The following TSNAX variants were observed in gnomAD, a reference collection of about 807,000 sequenced individuals.
The protein encoded by TSNAX is translin-associated protein X.
A neutral mutation model predicts 33.0 loss-of-function variants in TSNAX; 12 were observed. The observed-to-expected ratio is 0.36, with a 90% CI of 0.23 to 0.59. TSNAX has a LOEUF of 0.59. Ranked by LOEUF, TSNAX falls within the 20% of genes least tolerant of loss-of-function variation. The probability of loss-of-function intolerance (pLI) is 0.74; values close to 1 mark genes in which losing one functional copy is unlikely to be tolerated. For missense variants in TSNAX, 267 were observed against 341.3 expected (o/e 0.78, Z 1.72); for synonymous variants, 110 against 117.2 (o/e 0.94, Z 0.40).
In TSNAX at chr1:231,549,421, G is replaced by A. The variant is rs559468452; in HGVS notation, c.367+6810G>A. The stretch of plus-strand genomic sequence containing the variant: ...GGAGACAGAGTGAGACTCCGTCCCC[G>A]CCCCCAGCCCAAAAATAAAAATAAA... On this transcript the variant is annotated intron_variant, in intron 4 of 5. Coordinates refer to ENST00000366639, the MANE Select transcript of TSNAX (RefSeq NM_005999.3). 9.1e-4 allele frequency among the ~76,000 whole-genome samples: 139 copies of A among 152,142 alleles called. No individual in the cohort carries two copies. In the Middle Eastern group the frequency reaches 0.01, roughly 11 times the overall value.
chr1:231,534,750 G>T (rs1217945342), intron 2 of TSNAX: 1 of 152,156 alleles, frequency 6.6e-6, no homozygotes, highest in Admixed American at 6.5e-5. Context: ...CTCTTATCCA[G>T]TATGTTATAC....
At chr1:231,529,737 A>G (rs901962119) in intron 2 of TSNAX, among the ~76,000 whole-genome samples, 2 of 152,190 alleles carry the variant, frequency 1.3e-5, no homozygotes, top group African/African-American at 4.8e-5. Context: ...TCTTTGTTTT[A>G]ACTGTAACAC....
chr1:231,538,900 C>G (rs1273856678), intron 3 of TSNAX, among the ~76,000 whole-genome samples: 1 of 150,612 alleles, frequency 6.6e-6, no homozygotes, highest in African/African-American at 2.5e-5. Flanking sequence ...CCACTGTACC[C>G]CAGCCTGGGC....
intron 2 of TSNAX, chr1:231,536,429 GATACA>G (rs1352947283): frequency 2.0e-5 from 3 of 152,086 alleles, no homozygotes; most frequent in Non-Finnish European, 4.4e-5. Flanking sequence ...AAAAAATTAA[GATACA>G]ATACACATAC....
chr1:231,547,387 T>C (rs1015606850), intron 4 of TSNAX, among the ~76,000 whole-genome samples: 46 of 143,368 alleles, frequency 3.2e-4, no homozygotes, highest in Non-Finnish European at 6.4e-4. Flanking sequence ...TCTTTTTTTT[T>C]TCTTTTTTTT....
intron 1 of TSNAX, 64 bp downstream of exon 1, chr1:231,528,890 G>A: frequency 1.2e-6 from 2 of 1,606,304 alleles, no homozygotes; most frequent in Non-Finnish European, 1.7e-6. Context: ...GTCTTTCTAT[G>A]CAGTTTTCCC....
intron 4 of TSNAX, among the ~76,000 whole-genome samples, chr1:231,544,921 A>G (rs747518189): frequency 1.4e-5 from 2 of 145,598 alleles, no homozygotes; most frequent in Non-Finnish European, 3.1e-5. Flanking sequence ...GGATTATTAT[A>G]AGCACAGTGG....
intron 4 of TSNAX, among the ~76,000 whole-genome samples, chr1:231,558,167 C>A (rs1319119661): frequency 6.6e-6 from 1 of 152,108 alleles, no homozygotes; most frequent in Non-Finnish European, 1.5e-5. Flanking sequence ...CTCTGGGAAG[C>A]TGTCCATGGG....
intron 2 of TSNAX, among the ~76,000 whole-genome samples, chr1:231,532,484 T>C (rs1174431538): frequency 6.6e-6 from 1 of 152,046 alleles, no homozygotes; most frequent in Non-Finnish European, 1.5e-5. Flanking sequence ...TAATCAATCA[T>C]GCCTGGCCTT....
intron 5 of TSNAX, among the ~76,000 whole-genome samples, chr1:231,561,656 C>T (rs973549974): frequency 4.0e-4 from 61 of 152,220 alleles, no homozygotes; most frequent in African/African-American, 1.4e-3. Flanking sequence ...TGCCAGAAGC[C>T]ACAACTAAAA....
intron 4 of TSNAX, among the ~76,000 whole-genome samples, chr1:231,555,421 AG>A (rs1410923857): frequency 6.6e-6 from 1 of 152,104 alleles, no homozygotes; most frequent in Non-Finnish European, 1.5e-5. Flanking sequence ...ATGGGGAGTT[AG>A]ATTAAGAAAT....
intron 4 of TSNAX, among the ~76,000 whole-genome samples, chr1:231,552,608 A>C (rs753317812): frequency 1.3e-5 from 2 of 152,238 alleles, no homozygotes; most frequent in Non-Finnish European, 2.9e-5. Context: ...TACATACCAC[A>C]TAATTAAATT....
At chr1:231,532,804 C>G (rs983217985) in intron 2 of TSNAX, among the ~76,000 whole-genome samples, 2 of 152,002 alleles carry the variant, frequency 1.3e-5, no homozygotes, top group African/African-American at 2.4e-5. Context: ...TTAGTTGAGC[C>G]TTTTTGATTT....
chr1:231,561,203 T>G lies in TSNAX; in HGVS notation c.443T>G (p.Ile148Ser). 1 of 1,593,214 alleles carries G rather than the reference T, an allele frequency of 6.3e-7. No homozygotes were observed. Among genetic ancestry groups the G allele is most frequent in the South Asian group, 1.1e-5 (1 of 89,038 alleles). ...CGATCATTAATTAGTATGGATGAAATTAATAAACAATTGATATTTACGACT... is the reference window on the plus strand; with the variant it reads ...CGATCATTAATTAGTATGGATGAAAGTAATAAACAATTGATATTTACGACT... Reference protein sequence around the residue: ...KTRSLISMDEINKQLIFTTED... With the variant: ...KTRSLISMDESNKQLIFTTED... The change falls in exon 5 of 6, where the codon ATT becomes AGT. Residue 148 changes from isoleucine to serine, a missense_variant. Physicochemically the swap from Ile to Ser is moderately radical, Grantham distance 142. Transcript: ENST00000366639.
intron 2 of TSNAX, chr1:231,534,161 C>T (rs1658990919): frequency 6.6e-6 from 1 of 152,120 alleles, no homozygotes; most frequent in Non-Finnish European, 1.5e-5. Flanking sequence ...AATATTTTCT[C>T]ATGGTTAGAT....
chr1:231,532,607 T>G (rs1321132993), intron 2 of TSNAX, among the ~76,000 whole-genome samples: 3 of 152,110 alleles, frequency 2.0e-5, no homozygotes, highest in Non-Finnish European at 4.4e-5. Flanking sequence ...TTTTTGGAGG[T>G]GTTTATATTA....
intron 2 of TSNAX, among the ~76,000 whole-genome samples, chr1:231,530,166 A>G (rs532444338): frequency 2.2e-4 from 33 of 152,316 alleles, no homozygotes; most frequent in Non-Finnish European, 3.1e-4. Flanking sequence ...CACAATCTCT[A>G]TGTCCTAATC....
Position 231,528,737 on chromosome 1 carries a change from C to G in TSNAX, c.-74C>G. The stretch of plus-strand genomic sequence containing the variant: ...TGCAGGCTGTTTTCCCAGGTTCCCT[C>G]GGCCTGTACCTCGCGCACTCCTCTT... On this transcript the variant is annotated 5_prime_UTR_variant, in exon 1 of 6. Transcript: ENST00000366639. 4 of 1,588,032 alleles carry G rather than the reference C, an allele frequency of 2.5e-6. No individual in the cohort carries two copies. The highest frequency in any genetic ancestry group is 3.5e-6 in the Non-Finnish European group (4 of 1,158,160).
At chr1:231,551,605 A>G (rs962921227) in intron 4 of TSNAX, among the ~76,000 whole-genome samples, 1 of 151,982 alleles carries the variant, frequency 6.6e-6, no homozygotes, top group Non-Finnish European at 1.5e-5. Flanking sequence ...TTTAACATTT[A>G]TTTTCATTTT....
Sources: allele counts gnomAD v4.1 joint callset (sites outside exome capture counted in the v4.1 genomes callset), GRCh38; gene constraint gnomAD v4.1.1; transcripts MANE v1.5; gene names NCBI Gene and HGNC (gene_info 2026-07-23, HGNC 2026-07-21).